PARP8: variants seen among roughly 807,000 people sequenced by gnomAD.
The protein encoded by PARP8 is protein mono-ADP-ribosyltransferase PARP8.
Under a neutral mutation model 124.1 loss-of-function variants are expected in PARP8, and 51 were observed. That is an observed-to-expected ratio of 0.41 (90% CI 0.33 to 0.52). PARP8 has a LOEUF of 0.52. Among genes scored for constraint, PARP8 ranks in the 20% least tolerant of loss-of-function variants. The pLI, the probability that PARP8 is intolerant of heterozygous loss-of-function variation, is 0.21. For synonymous variants in PARP8, 391 were observed against 361.5 expected (o/e 1.08, Z -0.93); for missense variants, 860 against 1,018.9 (o/e 0.84, Z 2.12).
chr5:50,827,931 T>C lies in PARP8; in HGVS notation c.1978-13T>C. The C allele has an allele frequency of 6.4e-7, 1 of 1,565,242 alleles. No homozygotes were observed. The highest frequency in any genetic ancestry group is 8.8e-7 in the Non-Finnish European group (1 of 1,136,704). On this transcript the variant is annotated splice_polypyrimidine_tract_variant and intron_variant, in intron 19 of 25. Transcript: ENST00000281631. ...TTTTACATGTTTTTGTTTGTCTTTA[T>C]CTTAAATGGCAGCAATTGAAGTTTA... is the stretch of plus-strand genomic sequence containing the variant.
At chr5:50,731,116 G>A (rs1260924445) in intron 2 of PARP8, among the ~76,000 whole-genome samples, 4 of 152,194 alleles carry the variant, frequency 2.6e-5, no homozygotes, top group African/African-American at 9.7e-5. Flanking sequence ...TTCTGGTTCC[G>A]CATGGAATTG....
chr5:50,829,764 C>G (rs1486898588), intron 21 of PARP8, 128 bp from the exon 22 acceptor site: 19 of 861,402 alleles, frequency 2.2e-5, no homozygotes, highest in Non-Finnish European at 2.8e-5. Flanking sequence ...CAAATTAGAC[C>G]TTGGAATAGA....
At chr5:50,747,731 A>G (rs1169626553) in intron 2 of PARP8, among the ~76,000 whole-genome samples, 1 of 127,756 alleles carries the variant, frequency 7.8e-6, no homozygotes, top group Non-Finnish European at 1.7e-5. Context: ...TATATTTAAT[A>G]TGGATCTCTC....
At chr5:50,820,154 G>C (rs1745596657) in intron 15 of PARP8, among the ~76,000 whole-genome samples, 1 of 152,204 alleles carries the variant, frequency 6.6e-6, no homozygotes, top group Middle Eastern at 3.4e-3. Flanking sequence ...GATTGGGTGG[G>C]TGTGTTTTGT....
intron 3 of PARP8, among the ~76,000 whole-genome samples, chr5:50,759,228 A>ATT (rs533684690): frequency 2.0e-5 from 3 of 149,902 alleles, no homozygotes; most frequent in Non-Finnish European, 4.5e-5. Flanking sequence ...CCACTAATAA[A>ATT]TTTTTTTTTT....
rs758952703 is a variant in PARP8 at position 50,686,730 on chromosome 5, G to A, written c.146+18605G>A. ...AGTTCTTGACTTCTGTGCACCTGCA[G>A]GCTCAACACTAGATGGAAGCTGCCA... On this transcript the variant is annotated intron_variant, in intron 2 of 25. Coordinates refer to ENST00000281631, the MANE Select transcript of PARP8 (RefSeq NM_024615.4). 6.8e-4 allele frequency among the ~76,000 whole-genome samples: 103 copies of A among 152,314 alleles called. No individual in the cohort carries two copies. The Middle Eastern group carries it at 0.01, about 15-fold the overall frequency.
intron 1 of PARP8, 142 bp downstream of exon 1, chr5:50,667,328 C>A: frequency 1.1e-6 from 1 of 888,548 alleles, no homozygotes; most frequent in Non-Finnish European, 1.8e-6. Context: ...GCAACGAGCG[C>A]GGGAGCCAAA....
At chr5:50,707,863 A>G (rs1389408436) in intron 2 of PARP8, among the ~76,000 whole-genome samples, 2 of 152,094 alleles carry the variant, frequency 1.3e-5, no homozygotes, top group South Asian at 2.1e-4. Flanking sequence ...CTTTATTGAC[A>G]TAAGTTTTAG....
intron 2 of PARP8, among the ~76,000 whole-genome samples, chr5:50,671,288 G>A (rs1749976459): frequency 6.6e-6 from 1 of 152,156 alleles, no homozygotes; most frequent in Non-Finnish European, 1.5e-5. Flanking sequence ...AACAGAAGGG[G>A]TAACCTGCAT....
At chr5:50,752,988 C>A (rs35328303) in intron 3 of PARP8, among the ~76,000 whole-genome samples, 31,196 of 151,700 alleles carry the variant, frequency 0.21, 3,386 homozygotes, top group South Asian at 0.34. Flanking sequence ...ATTTAGAGGG[C>A]CTTTGTTGAG....
At chr5:50,822,079 T>C (rs943583043) in intron 16 of PARP8, among the ~76,000 whole-genome samples, 4 of 152,174 alleles carry the variant, frequency 2.6e-5, no homozygotes, top group Non-Finnish European at 5.9e-5. Context: ...CCCATAACTT[T>C]TTTGTGTTTC....
chr5:50,737,258 C>A (rs1448568251), intron 2 of PARP8, among the ~76,000 whole-genome samples: 1 of 152,112 alleles, frequency 6.6e-6, no homozygotes, highest in Non-Finnish European at 1.5e-5. Flanking sequence ...TTAATAGTTG[C>A]TTGCTATTCC....
In PARP8 at chr5:50,816,472, T is replaced by C. The variant is rs375809425; in HGVS notation, c.1668+948T>C. ...CATCAGGCTTATGAAGGCACAACAGTTTAATAATACAGATGGTAGCCTAGA... is the reference window on the plus strand; with the variant it reads ...CATCAGGCTTATGAAGGCACAACAGCTTAATAATACAGATGGTAGCCTAGA... On this transcript the variant is annotated intron_variant, in intron 15 of 25. Coordinates refer to ENST00000281631, the MANE Select transcript of PARP8 (RefSeq NM_024615.4). Among the ~76,000 whole-genome samples, 13 of 152,126 alleles carry C rather than the reference T, an allele frequency of 8.5e-5. No homozygotes were observed. The East Asian group carries it at 2.5e-3, about 29-fold the overall frequency.
At chr5:50,680,888 T>A (rs1444082599) in intron 2 of PARP8, among the ~76,000 whole-genome samples, 1 of 152,170 alleles carries the variant, frequency 6.6e-6, no homozygotes, top group Non-Finnish European at 1.5e-5. Flanking sequence ...ATAAAATCGA[T>A]GCACTGTTAT....
chr5:50,780,006 A>G (rs1740487656), intron 9 of PARP8, among the ~76,000 whole-genome samples: 1 of 152,220 alleles, frequency 6.6e-6, no homozygotes, highest in Admixed American at 6.5e-5. Context: ...TTTCAGATAT[A>G]TAAATATGTA....
chr5:50,813,048 T>C (rs1209593142), intron 14 of PARP8, among the ~76,000 whole-genome samples: 13 of 152,252 alleles, frequency 8.5e-5, no homozygotes, highest in Non-Finnish European at 1.5e-5. Context: ...GCTTGTTCTT[T>C]TAGCTTAGGA....
chr5:50,797,200 G>A lies in PARP8; in HGVS notation c.1542G>A (p.Glu514=), dbSNP rs1384318876. 6.2e-7 allele frequency: 1 copy of A among 1,612,122 alleles called. No individual in the cohort carries two copies. The highest frequency in any genetic ancestry group is 2.2e-5 in the East Asian group (1 of 44,820). Residue 514 remains glutamate (E), a synonymous_variant, in exon 14 of 26, where the codon GAG becomes GAA. Transcript: ENST00000281631. The part of the protein sequence containing the change: ...VLNEYCVVCD[E]PHVFQNGPML... ...ATGAATATTGTGTGGTTTGTGATGAGCCACATGTGTTTCAAAATGGCCCTA... is the reference window on the plus strand; with the variant it reads ...ATGAATATTGTGTGGTTTGTGATGAACCACATGTGTTTCAAAATGGCCCTA...
chr5:50,823,751 C>G (rs1335126266), intron 17 of PARP8, among the ~76,000 whole-genome samples: 1 of 152,144 alleles, frequency 6.6e-6, no homozygotes, highest in African/African-American at 2.4e-5. Context: ...AAATTGCTTT[C>G]TTTATTCTGG....
intron 7 of PARP8, among the ~76,000 whole-genome samples, chr5:50,777,026 T>C (rs67151831): frequency 0.21 from 31,225 of 152,170 alleles, 3,383 homozygotes; most frequent in South Asian, 0.34. Flanking sequence ...AAGGCTGTGA[T>C]GAGGACCTAA....
Sources: gnomAD v4.1 joint callset for allele counts (sites outside exome capture counted in the v4.1 genomes callset) on GRCh38, gnomAD v4.1.1 for gene constraint, MANE v1.5 for transcripts, NCBI Gene and HGNC (gene_info 2026-07-23, HGNC 2026-07-21) for gene names.